Variants in IAH1 observed in about 807,000 individuals in gnomAD.
IAH1 encodes isoamyl acetate-hydrolyzing esterase 1 homolog.
A neutral mutation model predicts 26.7 loss-of-function variants in IAH1; 24 were observed. That is an observed-to-expected ratio of 0.90 (90% CI 0.65 to 1.26). The LOEUF is 1.26. Ranked by LOEUF, IAH1 falls within the 50% of genes most tolerant of loss-of-function variation. The probability of loss-of-function intolerance (pLI) is 0.00; values close to 1 mark genes in which losing one functional copy is unlikely to be tolerated. For synonymous variants in IAH1, 140 were observed against 118.5 expected, an observed-to-expected ratio of 1.18 and a Z score of -1.18; for missense variants, 300 against 299.9, an observed-to-expected ratio of 1.00 and a Z score of 0.00.
chr2:9,488,495 G>A lies in IAH1; in HGVS notation c.*166G>A, dbSNP rs903959440. 74 of 508,390 alleles carry A rather than the reference G, an allele frequency of 1.5e-4. No individual in the cohort carries two copies. Among genetic ancestry groups the A allele is most frequent in the African/African-American group, 1.4e-3 (70 of 51,194 alleles). The allele number at this position is 508,390 out of a possible 1,614,324, so 31.5% of individuals were successfully genotyped here. ...TTTATACTTAGGTCCATTGTGTTTC[G>A]ACAGTATTTATTAATGCAGATATCA... On this transcript the variant is annotated 3_prime_UTR_variant, in exon 6 of 6. Coordinates refer to ENST00000497473, the MANE Select transcript of IAH1 (RefSeq NM_001039613.3).
chr2:9,482,171 G>C (rs971230856), intron 4 of IAH1, among the ~76,000 whole-genome samples: 1 of 151,776 alleles, frequency 6.6e-6, no homozygotes, highest in East Asian at 1.9e-4. Context: ...TGGGATTATG[G>C]GTGTGCACCA....
the IAH1 span, among the ~76,000 whole-genome samples, chr2:9,503,435 A>G: frequency 6.6e-5 from 10 of 152,246 alleles, no homozygotes; most frequent in African/African-American, 2.4e-4. Context: ...TAACATTCAT[A>G]TCCCAAGACT....
chr2:9,475,322 C>T (rs1682420193), intron 1 of IAH1: 2 of 697,984 alleles, frequency 2.9e-6, no homozygotes, highest in Non-Finnish European at 4.4e-6. Context: ...TAACTGGTAA[C>T]ATTATGTTTA....
At chr2:9,509,592 T>C in the IAH1 span, among the ~76,000 whole-genome samples, 1 of 152,188 alleles carries the variant, frequency 6.6e-6, no homozygotes, top group Non-Finnish European at 1.5e-5. Context: ...CAAAAGTTAA[T>C]AAAAACGTGT....
At chr2:9,502,003 C>T in the IAH1 span, among the ~76,000 whole-genome samples, 1 of 151,544 alleles carries the variant, frequency 6.6e-6, no homozygotes, top group Non-Finnish European at 1.5e-5. Flanking sequence ...AGAAACAGGT[C>T]TTAAACCCAC....
chr2:9,494,576 A>T, downstream of IAH1: 1 of 1,588,438 alleles, frequency 6.3e-7, no homozygotes, highest in Non-Finnish European at 8.6e-7. Context: ...AAAATCAAGT[A>T]CTTACAAAAT....
intron 6 of IAH1, chr2:9,496,182 G>T (rs1234017078): frequency 6.6e-6 from 1 of 152,130 alleles, no homozygotes; most frequent in South Asian, 2.1e-4. Flanking sequence ...AGGCTAGAGT[G>T]TAGCGGCGCA....
intron 6 of IAH1, chr2:9,494,873 A>T: frequency 7.1e-7 from 1 of 1,408,976 alleles, no homozygotes; most frequent in South Asian, 1.4e-5. Flanking sequence ...AAGAAATCAC[A>T]TTTATTTTTT....
chr2:9,502,485 C>T, the IAH1 span, among the ~76,000 whole-genome samples: 167 of 152,210 alleles, frequency 1.1e-3, no homozygotes, highest in Non-Finnish European at 1.9e-3. Context: ...CACATAAATG[C>T]CACACTATAG....
At chr2:9,501,029 G>A (rs116482359), downstream of IAH1, among the ~76,000 whole-genome samples, 451 of 151,884 alleles carry the variant, frequency 3.0e-3, 2 homozygotes, top group African/African-American at 0.011. Context: ...TTACGTTAAA[G>A]ATTTCTGTTC....
intron 3 of IAH1, 73 bp downstream of exon 3, chr2:9,478,443 T>A: frequency 7.1e-7 from 1 of 1,400,466 alleles, no homozygotes; most frequent in Non-Finnish European, 9.7e-7. Context: ...GCATTTAATA[T>A]ACTTTTTTCA....
chr2:9,481,760 T>A (rs1661186692), intron 4 of IAH1, among the ~76,000 whole-genome samples: 2 of 145,496 alleles, frequency 1.4e-5, no homozygotes, highest in Non-Finnish European at 3.1e-5. Flanking sequence ...AGAGCTGTGG[T>A]GCTCGGCCTG....
the IAH1 span, among the ~76,000 whole-genome samples, chr2:9,503,076 G>A: frequency 6.7e-6 from 1 of 149,136 alleles, no homozygotes; most frequent in Non-Finnish European, 1.5e-5. Context: ...GAAGGCAGAG[G>A]TTGCGGTGAG....
chr2:9,490,919 G>A (rs1416047692), downstream of IAH1, among the ~76,000 whole-genome samples: 1 of 152,188 alleles, frequency 6.6e-6, no homozygotes, highest in Non-Finnish European at 1.5e-5. Context: ...GTCCATCCAT[G>A]CAACTAATCG....
Position 9,478,321 on chromosome 2 carries a change from C to G in IAH1, c.234C>G (p.Ile78Met). 1 of 1,612,746 alleles carries G rather than the reference C, an allele frequency of 6.2e-7. No homozygotes were observed. The highest frequency in any genetic ancestry group is 8.5e-7 in the Non-Finnish European group (1 of 1,179,340). The change falls in exon 3 of 6, where the codon ATC (isoleucine) becomes ATG (methionine). Residue 78 changes from isoleucine (I) to methionine (M), a missense_variant. Transcript: ENST00000497473. ...TCAGGAAAGGAAACAGTTTGGACATCCCAGTAGCAGTTACAATTTTCTTTG... is the reference window on the plus strand; with the variant it reads ...TCAGGAAAGGAAACAGTTTGGACATGCCAGTAGCAGTTACAATTTTCTTTG... The part of the protein sequence containing the change: ...RLIRKGNSLD[I>M]PVAVTIFFGA...
chr2:9,490,504 C>T (rs773264235), downstream of IAH1: 3 of 1,611,976 alleles, frequency 1.9e-6, no homozygotes, highest in South Asian at 1.1e-5. Context: ...CCATGCTGCT[C>T]AGCATTTCGA....
chr2:9,505,200 T>C, the IAH1 span: 45 of 1,614,108 alleles, frequency 2.8e-5, no homozygotes, highest in Non-Finnish European at 3.6e-5. Context: ...GTGCAGTCGC[T>C]GTTGCAGCAG....
At chr2:9,494,598 A>G, downstream of IAH1, 3 of 1,605,984 alleles carry the variant, frequency 1.9e-6, no homozygotes, top group Non-Finnish European at 2.5e-6. Context: ...AAAACTTCCT[A>G]TCTGGCTGTT....
chr2:9,492,398 AC>A (rs2124957743), downstream of IAH1, among the ~76,000 whole-genome samples: 1 of 152,280 alleles, frequency 6.6e-6, no homozygotes, highest in South Asian at 2.1e-4. Flanking sequence ...AAGACTGCTT[AC>A]TCTTATTTTT....
Sources: gnomAD v4.1 joint callset for allele counts (sites outside exome capture counted in the v4.1 genomes callset) on GRCh38, gnomAD v4.1.1 for gene constraint, MANE v1.5 for transcripts, NCBI Gene and HGNC (gene_info 2026-07-23, HGNC 2026-07-21) for gene names.